Variants in GLRA2 observed in about 807,000 individuals in gnomAD.
The protein encoded by GLRA2 is glycine receptor subunit alpha-2.
In GLRA2, 11 loss-of-function variants were observed where a neutral mutation model predicts 31.6. That is an observed-to-expected ratio of 0.35 (90% CI 0.22 to 0.58). The LOEUF (loss-of-function observed/expected upper bound fraction) is 0.58, where lower values mean the gene tolerates loss of function less well. GLRA2 is among the 20% of genes least tolerant of loss of function. The pLI is 0.84. For synonymous variants in GLRA2, 132 were observed against 134.0 expected (o/e 0.99, Z 0.10); for missense variants, 212 against 351.8 (o/e 0.60, Z 3.18).
the GLRA2 span, among the ~76,000 whole-genome samples, chrX:14,506,328 A>G: frequency 9.0e-6 from 1 of 110,865 alleles, no homozygotes; most frequent in Non-Finnish European, 1.9e-5. Context: ...CCTCCTCCTC[A>G]GAGACTTTTT....
At chrX:14,575,105 C>G (rs766051020) in intron 3 of GLRA2, among the ~76,000 whole-genome samples, 2 of 110,233 alleles carry the variant, frequency 1.8e-5, no homozygotes, top group African/African-American at 6.6e-5. Flanking sequence ...AAAAAAACCC[C>G]TAAACTTAAA....
intron 7 of GLRA2, among the ~76,000 whole-genome samples, chrX:14,610,919 T>C (rs1360305116): frequency 8.9e-6 from 1 of 112,432 alleles, no homozygotes; most frequent in Non-Finnish European, 1.9e-5. Context: ...TCTTTGTATG[T>C]AAAGGCAATG....
At chrX:14,726,749 T>C (rs767148591) in intron 8 of GLRA2, among the ~76,000 whole-genome samples, 13 of 112,757 alleles carry the variant, frequency 1.2e-4, no homozygotes, top group African/African-American at 3.9e-4. Flanking sequence ...TGAAAGACTA[T>C]AGAAATTAAA....
At chrX:14,656,305 A>C (rs187584847) in intron 7 of GLRA2, among the ~76,000 whole-genome samples, 45 of 112,431 alleles carry the variant, frequency 4.0e-4, no homozygotes, top group African/African-American at 1.5e-3. Flanking sequence ...GCTGAAACAC[A>C]CTTTCCTAGA....
chrX:14,574,560 G>C (rs763693123), intron 3 of GLRA2, 160 bp downstream of exon 3: 2 of 1,165,426 alleles, frequency 1.7e-6, no homozygotes, highest in East Asian at 3.0e-5. Context: ...AACTACAATG[G>C]TGAGTGGGAC....
At chrX:14,529,184 G>T (rs988813941), upstream of GLRA2, 1 of 109,911 alleles carries the variant, frequency 9.1e-6, no homozygotes, top group African/African-American at 3.3e-5. Flanking sequence ...CCTGTTCTCT[G>T]TTTCCCCCAA....
At chrX:14,672,760 G>T (rs774632421) in intron 7 of GLRA2, among the ~76,000 whole-genome samples, 1 of 111,928 alleles carries the variant, frequency 8.9e-6, no homozygotes, top group South Asian at 3.8e-4. Context: ...TCCTTTTCTT[G>T]TTTTCTCCTC....
At chrX:14,521,751 A>T in the GLRA2 span, among the ~76,000 whole-genome samples, 1 of 112,228 alleles carries the variant, frequency 8.9e-6, no homozygotes, top group African/African-American at 3.2e-5. Flanking sequence ...AGTCATACAA[A>T]TTTTTTGGTT....
intron 2 of GLRA2, among the ~76,000 whole-genome samples, chrX:14,554,684 CATT>C (rs2089617628): frequency 9.0e-6 from 1 of 111,387 alleles, no homozygotes. Context: ...TTATTTAACT[CATT>C]AGTCAATGAG....
intron 3 of GLRA2, among the ~76,000 whole-genome samples, chrX:14,579,726 C>T (rs1410801158): frequency 9.0e-6 from 1 of 111,106 alleles, no homozygotes; most frequent in Non-Finnish European, 1.9e-5. Context: ...AGTAACTGCC[C>T]CCTATAACTT....
At chrX:14,683,851 A>G (rs961178982) in intron 7 of GLRA2, among the ~76,000 whole-genome samples, 2 of 110,110 alleles carry the variant, frequency 1.8e-5, no homozygotes, top group South Asian at 4.0e-4. Flanking sequence ...TACATATGTA[A>G]CTAACCTGCA....
intron 7 of GLRA2, among the ~76,000 whole-genome samples, chrX:14,684,014 G>A (rs1404894818): frequency 9.0e-6 from 1 of 111,097 alleles, no homozygotes; most frequent in African/African-American, 3.3e-5. Flanking sequence ...TGAATGTACA[G>A]AATAGTAAAA....
intron 7 of GLRA2, among the ~76,000 whole-genome samples, chrX:14,642,032 G>A (rs756286041): frequency 9.9e-5 from 11 of 111,644 alleles, no homozygotes; most frequent in African/African-American, 3.3e-4. Flanking sequence ...GGCAGCCCAA[G>A]ACACAGGAGC....
chrX:14,454,199 CACACACA>C, the GLRA2 span, among the ~76,000 whole-genome samples: 1 of 104,011 alleles, frequency 9.6e-6, no homozygotes, highest in Non-Finnish European at 1.9e-5. Flanking sequence ...CACACACACA[CACACACA>C]CACACACACA....
At chrX:14,715,674 G>A (rs1266392111) in intron 8 of GLRA2, among the ~76,000 whole-genome samples, 1 of 111,363 alleles carries the variant, frequency 9.0e-6, no homozygotes, top group Non-Finnish European at 1.9e-5. Flanking sequence ...ACTTGAAGGA[G>A]TTTACCAGGT....
the GLRA2 span, among the ~76,000 whole-genome samples, chrX:14,457,032 T>A: frequency 8.9e-6 from 1 of 112,098 alleles, no homozygotes; most frequent in African/African-American, 3.2e-5. Context: ...TTATTTTGTG[T>A]CTTCTTGATA....
chrX:14,662,814 C>A (rs1490227850), intron 7 of GLRA2, among the ~76,000 whole-genome samples: 1 of 111,865 alleles, frequency 8.9e-6, no homozygotes, highest in Non-Finnish European at 1.9e-5. Flanking sequence ...CACGGAATGT[C>A]TTTTCATTTG....
the GLRA2 span, among the ~76,000 whole-genome samples, chrX:14,521,506 C>T: frequency 8.9e-6 from 1 of 111,764 alleles, no homozygotes; most frequent in Non-Finnish European, 1.9e-5. Flanking sequence ...TTGAGAATTA[C>T]ACCATTTGCT....
chrX:14,559,570 C>G (rs2089698882), intron 2 of GLRA2, among the ~76,000 whole-genome samples: 1 of 107,334 alleles, frequency 9.3e-6, no homozygotes, highest in Non-Finnish European at 1.9e-5. Flanking sequence ...GCGCCCGCCA[C>G]CACGCCTGGC....
Sources: allele counts gnomAD v4.1 joint callset (sites outside exome capture counted in the v4.1 genomes callset), GRCh38; gene constraint gnomAD v4.1.1; transcripts MANE v1.5; gene names NCBI Gene and HGNC (gene_info 2026-07-23, HGNC 2026-07-21).